SYNJ1: variants seen among roughly 807,000 people sequenced by gnomAD.
SYNJ1 encodes synaptojanin 1.
SYNJ1 carries 78 observed loss-of-function variants against 168.2 expected under a neutral mutation model. The observed-to-expected ratio is 0.46, with a 90% CI of 0.39 to 0.56. The LOEUF (loss-of-function observed/expected upper bound fraction) is 0.56. Ranked by LOEUF, SYNJ1 falls within the 20% of genes least tolerant of loss-of-function variation. The probability of loss-of-function intolerance (pLI) is 0.00; values close to 1 mark genes in which losing one functional copy is unlikely to be tolerated. For missense variants in SYNJ1, 1,303 were observed against 1,597.6 expected (o/e 0.82, Z 3.14); for synonymous variants, 539 against 548.6 (o/e 0.98, Z 0.24).
At position 32,631,223 on chromosome 21, in the gene SYNJ1, TGA is replaced by T. The variant is rs774895371; in HGVS notation, c.*580_*581del. On this transcript the variant is annotated 3_prime_UTR_variant, in exon 33 of 33. Coordinates refer to ENST00000674351, the MANE Select transcript of SYNJ1 (RefSeq NM_203446.3). ...GATTACCCAGTAAGTCTGAACAAGC[TGA>T]CTTTGACTTCCCTTTCACACCAAAA... 1.7e-5 allele frequency: 28 copies of T among 1,614,238 alleles called. No homozygotes were observed. In the South Asian group the frequency reaches 2.9e-4, roughly 16 times the overall value.
intron 21 of SYNJ1, among the ~76,000 whole-genome samples, chr21:32,656,088 A>G (rs2145846324): frequency 6.6e-6 from 1 of 152,332 alleles, no homozygotes; most frequent in Admixed American, 6.5e-5. Context: ...GAATCGTGAG[A>G]GTTCATATCT....
At chr21:32,652,866 G>A (rs2040323545) in intron 22 of SYNJ1, among the ~76,000 whole-genome samples, 1 of 152,154 alleles carries the variant, frequency 6.6e-6, no homozygotes, top group Non-Finnish European at 1.5e-5. Context: ...AAGATAACTA[G>A]GTAAGCCAAG....
At chr21:32,632,002 TC>T (rs1369311047) in intron 32 of SYNJ1, among the ~76,000 whole-genome samples, 1 of 152,190 alleles carries the variant, frequency 6.6e-6, no homozygotes, top group Admixed American at 6.5e-5. Flanking sequence ...TCTAAATAAA[TC>T]CTTTCTAATT....
chr21:32,707,087 T>G lies in SYNJ1; in HGVS notation c.125-5040A>C, dbSNP rs191061232. 5.8e-4 allele frequency among the ~76,000 whole-genome samples: 88 copies of G among 152,226 alleles called. No homozygotes were observed. In the East Asian group the frequency reaches 0.013, roughly 23 times the overall value. ...TCCCTTTCTCCCTTTTTTCATACTG[T>G]TGTTTCATCTGGACCAACCTTTAAT... On this transcript the variant is annotated intron_variant, in intron 2 of 32. Coordinates refer to ENST00000674351, the MANE Select transcript of SYNJ1 (RefSeq NM_203446.3).
At chr21:32,709,039 C>A (rs1479504422) in intron 2 of SYNJ1, among the ~76,000 whole-genome samples, 1 of 152,114 alleles carries the variant, frequency 6.6e-6, no homozygotes, top group Non-Finnish European at 1.5e-5. Flanking sequence ...AAGATTTTAA[C>A]AATTAACAAG....
rs2039285075 is a variant in SYNJ1, at chr21:32,630,725, T to C, written c.*1080A>G. 3.8e-6 allele frequency: 1 copy of C among 262,902 alleles called. No individual in the cohort carries two copies. The highest frequency in any genetic ancestry group is 7.3e-6 in the Non-Finnish European group (1 of 137,654). 16.3% of individuals were successfully genotyped at this position (262,902 alleles called of 1,614,324 possible). ...GACCGAAAAGTTTCTGAATAAGGAC[T>C]GTTTTCTAAAGTATAAGTACTTTTT... On this transcript the variant is annotated 3_prime_UTR_variant, in exon 33 of 33. Coordinates refer to ENST00000674351, the MANE Select transcript of SYNJ1 (RefSeq NM_203446.3).
At chr21:32,695,642 T>G (rs2042177802) in intron 4 of SYNJ1, among the ~76,000 whole-genome samples, 1 of 144,116 alleles carries the variant, frequency 6.9e-6, no homozygotes, top group South Asian at 2.1e-4. Flanking sequence ...AATATTTATT[T>G]ATTTATTTAT....
chr21:32,677,637 C>A (rs2146017081), intron 12 of SYNJ1, among the ~76,000 whole-genome samples: 1 of 152,256 alleles, frequency 6.6e-6, no homozygotes, highest in South Asian at 2.1e-4. Context: ...GGAAGAAAGC[C>A]TGAAGTTGAA....
intron 31 of SYNJ1, among the ~76,000 whole-genome samples, chr21:32,637,908 A>G (rs565269047): frequency 6.6e-6 from 1 of 152,358 alleles, no homozygotes; most frequent in South Asian, 2.1e-4. Flanking sequence ...CCCTGTAGAC[A>G]CTTAAGAAAC....
At chr21:32,675,385 T>C (rs188378006) in intron 13 of SYNJ1, among the ~76,000 whole-genome samples, 1 of 151,546 alleles carries the variant, frequency 6.6e-6, no homozygotes, top group East Asian at 1.9e-4. Flanking sequence ...AAACAGAGAG[T>C]CAAAAAAATA....
At chr21:32,661,735 T>C (rs1569058337) in intron 18 of SYNJ1, among the ~76,000 whole-genome samples, 1 of 152,246 alleles carries the variant, frequency 6.6e-6, no homozygotes, top group African/African-American at 2.4e-5. Context: ...TCCTATGGTA[T>C]TGTTTAAAAT....
In SYNJ1 at chr21:32,639,762, A is replaced by G; in HGVS notation, c.3606T>C (p.Ala1202=). The G allele has an allele frequency of 3.1e-6, 5 of 1,614,094 alleles. No individual in the cohort carries two copies. Among genetic ancestry groups the G allele is most frequent in the Non-Finnish European group, 4.2e-6 (5 of 1,179,916 alleles). ...GGCTCTGTGGGGCACTGATAACTCC[A>G]GCACGAGGAGGAATCGTCTACAGAT... ...STARPTIPPR[A]GVISAPQSHA... Residue 1202 remains alanine (A), a synonymous_variant, in exon 30 of 33, where the codon GCT becomes GCC. Transcript: ENST00000674351.
chr21:32,699,332 T>G (rs1216179235), intron 4 of SYNJ1, among the ~76,000 whole-genome samples: 1 of 152,238 alleles, frequency 6.6e-6, no homozygotes, highest in Non-Finnish European at 1.5e-5. Flanking sequence ...CCTCCCTTAC[T>G]GTGCTTAATG....
chr21:32,697,794 CA>C (rs927544548), intron 4 of SYNJ1, among the ~76,000 whole-genome samples: 2 of 152,180 alleles, frequency 1.3e-5, no homozygotes, highest in African/African-American at 4.8e-5. Flanking sequence ...GAGTGACACT[CA>C]AAAAAATCAA....
intron 2 of SYNJ1, among the ~76,000 whole-genome samples, chr21:32,705,504 G>C (rs1218283690): frequency 1.3e-5 from 2 of 152,138 alleles, no homozygotes; most frequent in Admixed American, 6.6e-5. Flanking sequence ...ACATGCAGAA[G>C]GCAGCTTGAA....
At position 32,649,218 on chromosome 21, in the gene SYNJ1, C is replaced by T. The variant is rs570987540; in HGVS notation, c.3037+966G>A. Among the ~76,000 whole-genome samples, 7 of 152,310 alleles carry T rather than the reference C, an allele frequency of 4.6e-5. No homozygotes were observed. The South Asian group carries it at 1.0e-3, about 23-fold the overall frequency. ...CTGGAAAGGCAAGAACCACAGCTGTCGAATCTCCAGCACCCAGCTGTATCT... is the reference window on the plus strand; with the variant it reads ...CTGGAAAGGCAAGAACCACAGCTGTTGAATCTCCAGCACCCAGCTGTATCT... On this transcript the variant is annotated intron_variant, in intron 23 of 32. Coordinates refer to ENST00000674351, the MANE Select transcript of SYNJ1 (RefSeq NM_203446.3).
At chr21:32,645,100 G>A (rs1191058773) in intron 25 of SYNJ1, 94 bp from the exon 26 acceptor site, 12 of 1,222,382 alleles carry the variant, frequency 9.8e-6, no homozygotes, top group African/African-American at 3.1e-5. Context: ...ATGACATCAA[G>A]TATCATGCAG....
chr21:32,698,410 T>A (rs1164492265), intron 4 of SYNJ1, among the ~76,000 whole-genome samples: 2 of 152,120 alleles, frequency 1.3e-5, no homozygotes. Flanking sequence ...ACTATATAAG[T>A]GACAGTGAAA....
intron 2 of SYNJ1, among the ~76,000 whole-genome samples, chr21:32,725,549 T>G (rs1202903623): frequency 6.6e-6 from 1 of 152,198 alleles, no homozygotes; most frequent in Non-Finnish European, 1.5e-5. Context: ...TGCTTAAGAC[T>G]TTTCATTATG....
Sources: allele counts gnomAD v4.1 joint callset (sites outside exome capture counted in the v4.1 genomes callset), GRCh38; gene constraint gnomAD v4.1.1; transcripts MANE v1.5; gene names NCBI Gene and HGNC (gene_info 2026-07-23, HGNC 2026-07-21).